The following SORCS1 variants were observed in gnomAD, a reference collection of about 807,000 sequenced individuals.
SORCS1 encodes VPS10 domain-containing receptor SorCS1.
A neutral mutation model predicts 146.1 loss-of-function variants in SORCS1; 60 were observed. That is an observed-to-expected ratio of 0.41 (90% confidence interval 0.33 to 0.51). SORCS1 has a LOEUF of 0.51. Among genes scored for constraint, SORCS1 ranks in the 20% least tolerant of loss-of-function variants. SORCS1 has a pLI of 0.21. For missense variants in SORCS1, 1,352 were observed against 1,487.6 expected, an observed-to-expected ratio of 0.91 and a Z score of 1.50; for synonymous variants, 637 against 584.0, an observed-to-expected ratio of 1.09 and a Z score of -1.31.
intron 1 of SORCS1, among the ~76,000 whole-genome samples, chr10:107,032,167 T>C (rs1455357853): frequency 6.6e-6 from 1 of 152,118 alleles, no homozygotes; most frequent in African/African-American, 2.4e-5. Flanking sequence ...ATTCCATATA[T>C]ATAAATAAAT....
intron 1 of SORCS1, among the ~76,000 whole-genome samples, chr10:107,013,311 A>C (rs1957761622): frequency 6.6e-6 from 1 of 152,078 alleles, no homozygotes; most frequent in African/African-American, 2.4e-5. Flanking sequence ...GAAATTCAGC[A>C]AGAAACCTTG....
At chr10:106,654,046 CCT>C (rs1160177049) in intron 17 of SORCS1, among the ~76,000 whole-genome samples, 2 of 152,066 alleles carry the variant, frequency 1.3e-5, no homozygotes, top group African/African-American at 2.4e-5. Context: ...CTTCTGTTTT[CCT>C]CTCTCTCTTT....
chr10:107,077,990 T>C (rs954457513), intron 1 of SORCS1, among the ~76,000 whole-genome samples: 1 of 152,322 alleles, frequency 6.6e-6, no homozygotes, highest in Admixed American at 6.5e-5. Context: ...GGGAAATTCA[T>C]GGTCCTCATC....
chr10:107,135,636 G>A (rs116247193), intron 1 of SORCS1, among the ~76,000 whole-genome samples: 2,388 of 152,280 alleles, frequency 0.016, 31 homozygotes, highest in Non-Finnish European at 0.027. Context: ...AATGGCTCCA[G>A]CTATCAGTGT....
the SORCS1 span, among the ~76,000 whole-genome samples, chr10:107,175,418 A>G: frequency 3.0e-4 from 46 of 152,220 alleles, no homozygotes; most frequent in African/African-American, 9.1e-4. Context: ...TTTACTATTT[A>G]TCAACCTATT....
At chr10:106,999,190 A>C (rs1261474751) in intron 1 of SORCS1, among the ~76,000 whole-genome samples, 4 of 152,172 alleles carry the variant, frequency 2.6e-5, no homozygotes, top group African/African-American at 9.7e-5. Context: ...AAACATACAC[A>C]CACGAACATA....
chr10:106,726,352 G>A (rs1856180691), intron 6 of SORCS1, among the ~76,000 whole-genome samples: 1 of 91,840 alleles, frequency 1.1e-5, no homozygotes. Flanking sequence ...TGAAGATGCT[G>A]CCTTCGCAAA....
At chr10:106,990,018 G>T (rs796969995) in intron 1 of SORCS1, among the ~76,000 whole-genome samples, 2 of 151,892 alleles carry the variant, frequency 1.3e-5, no homozygotes, top group Non-Finnish European at 2.9e-5. Context: ...CCTGATTCAT[G>T]TTGCTGTTAA....
At chr10:106,766,037 T>G (rs530216508) in intron 4 of SORCS1, among the ~76,000 whole-genome samples, 24 of 152,272 alleles carry the variant, frequency 1.6e-4, no homozygotes, top group Non-Finnish European at 2.9e-4. Context: ...GACCAGATGT[T>G]GTTCACCACA....
At chr10:106,852,741 T>C (rs1238351994) in intron 2 of SORCS1, among the ~76,000 whole-genome samples, 1 of 152,168 alleles carries the variant, frequency 6.6e-6, no homozygotes, top group Non-Finnish European at 1.5e-5. Flanking sequence ...CCCTCATCTA[T>C]TGGTATATTA....
intron 1 of SORCS1, among the ~76,000 whole-genome samples, chr10:107,163,648 T>C (rs1969873802): frequency 6.6e-6 from 1 of 152,200 alleles, no homozygotes; most frequent in Non-Finnish European, 1.5e-5. Context: ...CATCTCTGTA[T>C]TAGGAGAACT....
intron 1 of SORCS1, among the ~76,000 whole-genome samples, chr10:107,005,738 G>T (rs1380891882): frequency 2.0e-5 from 3 of 152,054 alleles, no homozygotes; most frequent in Non-Finnish European, 2.9e-5. Context: ...ATTTAATGAG[G>T]TGGGACCATA....
intron 1 of SORCS1, among the ~76,000 whole-genome samples, chr10:107,150,564 TC>T (rs1188469850): frequency 6.6e-6 from 1 of 152,184 alleles, no homozygotes; most frequent in Non-Finnish European, 1.5e-5. Flanking sequence ...TAGGACCAGT[TC>T]TTCTATGCCC....
intron 1 of SORCS1, among the ~76,000 whole-genome samples, chr10:107,090,627 A>T (rs577330631): frequency 6.6e-5 from 10 of 152,338 alleles, no homozygotes; most frequent in African/African-American, 2.2e-4. Flanking sequence ...TTATTTTTCA[A>T]CTGTGCAGAA....
chr10:106,765,231 A>C lies in SORCS1; in HGVS notation c.886-3570T>G, dbSNP rs955933988. ...GTGACTACATTGCATTAGTAAATAC[A>C]ACTTAATGAGCACAAACCCAACACT... On this transcript the variant is annotated intron_variant, in intron 4 of 25. Transcript: ENST00000263054. Among the ~76,000 whole-genome samples the C allele has an allele frequency of 8.5e-5, 13 of 152,102 alleles. 1 individual carries two copies. The East Asian group carries it at 1.2e-3, about 14-fold the overall frequency.
chr10:106,970,337 T>TTTTTTTTTC (rs1955716653), intron 1 of SORCS1, among the ~76,000 whole-genome samples: 1 of 36,878 alleles, frequency 2.7e-5, no homozygotes, highest in African/African-American at 8.6e-5. Context: ...CCAACATCTC[T>TTTTTTTTTC]TTTTTTTTTT....
rs553266793 is a variant in SORCS1, at chr10:107,099,334, A to G, written c.558+64635T>C. Among the ~76,000 whole-genome samples, 11 of 152,322 alleles carry G rather than the reference A, an allele frequency of 7.2e-5. 3 individuals carry two copies. Among genetic ancestry groups the G allele is most frequent in the African/African-American group, 2.6e-4 (11 of 41,586 alleles). On this transcript the variant is annotated intron_variant, in intron 1 of 25. Transcript: ENST00000263054. ...TTTTTGAGTGTGAGACCACTAGAAA[A>G]TACAAGAAGTCCACATGTCCATCTC...
intron 1 of SORCS1, among the ~76,000 whole-genome samples, chr10:107,044,911 T>C (rs1564966472): frequency 6.6e-6 from 1 of 152,010 alleles, no homozygotes; most frequent in African/African-American, 2.4e-5. Flanking sequence ...CAGTTTTATA[T>C]TGAAGGGTTA....
intron 20 of SORCS1, among the ~76,000 whole-genome samples, chr10:106,619,400 G>C (rs768995950): frequency 5.9e-5 from 9 of 152,172 alleles, no homozygotes; most frequent in African/African-American, 2.2e-4. Context: ...TATATCTCCA[G>C]CTAAAGCCAA....
Sources: allele counts gnomAD v4.1 joint callset (sites outside exome capture counted in the v4.1 genomes callset), GRCh38; gene constraint gnomAD v4.1.1; transcripts MANE v1.5; gene names NCBI Gene and HGNC (gene_info 2026-07-23, HGNC 2026-07-21).